Variants in ATP8A2 observed in about 807,000 individuals in gnomAD.
ATP8A2 encodes ATPase phospholipid transporting 8A2, also known as phospholipid-transporting ATPase IB.
ATP8A2 carries 100 observed loss-of-function variants against 165.6 expected under a neutral mutation model. The ratio of observed to expected loss-of-function variants is 0.60; its 90% CI spans 0.51 to 0.71. The LOEUF (loss-of-function observed/expected upper bound fraction) is 0.71, where lower values mean the gene tolerates loss of function less well. ATP8A2 is among the 30% of genes least tolerant of loss of function. The probability of loss-of-function intolerance (pLI) is 0.00; values close to 1 mark genes in which losing one functional copy is unlikely to be tolerated. For missense variants in ATP8A2, 1,227 were observed against 1,479.5 expected, an observed-to-expected ratio of 0.83 and a Z score of 2.80; for synonymous variants, 543 against 548.8, an observed-to-expected ratio of 0.99 and a Z score of 0.15.
chr13:25,843,111 C>G (rs1178440106), intron 30 of ATP8A2, among the ~76,000 whole-genome samples: 1 of 152,116 alleles, frequency 6.6e-6, no homozygotes, highest in Middle Eastern at 3.2e-3. Flanking sequence ...CCTCTCCTGC[C>G]CTCTGGAGGC....
intron 33 of ATP8A2, among the ~76,000 whole-genome samples, chr13:25,918,053 G>A (rs770731970): frequency 1.3e-5 from 2 of 152,232 alleles, no homozygotes; most frequent in African/African-American, 2.4e-5. Flanking sequence ...ATAATTATCT[G>A]TAGAGGGACA....
rs924847942 is a variant in ATP8A2 at position 25,427,590 on chromosome 13, C to T, written c.77-41387C>T. Among the ~76,000 whole-genome samples the T allele has an allele frequency of 8.5e-5, 13 of 152,076 alleles. No homozygotes were observed. The East Asian group carries it at 2.1e-3, about 25-fold the overall frequency. On this transcript the variant is annotated intron_variant, in intron 1 of 36. Transcript: ENST00000381655. ...TGCTCATTTTCCTGGGAGCCTAAAA[C>T]TTCTCTAAAAAAAACAAACAAATGG...
chr13:25,701,558 C>T (rs559480333), intron 25 of ATP8A2, among the ~76,000 whole-genome samples: 10 of 152,020 alleles, frequency 6.6e-5, no homozygotes, highest in African/African-American at 1.2e-4. Flanking sequence ...CAAGTAACAA[C>T]GTGGAAAAGT....
intron 33 of ATP8A2, among the ~76,000 whole-genome samples, chr13:25,874,235 G>C (rs1331627203): frequency 6.6e-6 from 1 of 152,132 alleles, no homozygotes; most frequent in Admixed American, 6.5e-5. Context: ...ATCCACACTG[G>C]TGGCTTCCCA....
At chr13:25,915,904 G>A (rs548188817) in intron 33 of ATP8A2, among the ~76,000 whole-genome samples, 32 of 152,258 alleles carry the variant, frequency 2.1e-4, no homozygotes, top group African/African-American at 7.0e-4. Flanking sequence ...CTACCAGTGC[G>A]TTGGTCCATT....
chr13:25,836,049 T>G (rs771197193), intron 28 of ATP8A2, among the ~76,000 whole-genome samples: 31 of 152,172 alleles, frequency 2.0e-4, no homozygotes, highest in Non-Finnish European at 3.8e-4. Context: ...AGTGATTGGT[T>G]GTTTCAAAGT....
At chr13:25,823,957 G>A (rs968092187) in intron 27 of ATP8A2, among the ~76,000 whole-genome samples, 1 of 151,840 alleles carries the variant, frequency 6.6e-6, no homozygotes, top group South Asian at 2.1e-4. Flanking sequence ...CTATCTCTAC[G>A]TGTGGTTTCA....
intron 15 of ATP8A2, among the ~76,000 whole-genome samples, chr13:25,563,451 A>G (rs1356428367): frequency 6.6e-6 from 1 of 152,042 alleles, no homozygotes; most frequent in African/African-American, 2.4e-5. Context: ...AAATGAATAT[A>G]TAGTTGATTC....
intron 35 of ATP8A2, among the ~76,000 whole-genome samples, chr13:25,976,408 C>T (rs1956038112): frequency 6.6e-6 from 1 of 152,118 alleles, no homozygotes; most frequent in African/African-American, 2.4e-5. Context: ...AGAGGCAAAC[C>T]TGCATCTTCT....
chr13:25,821,415 AT>A (rs1951177562), intron 27 of ATP8A2, among the ~76,000 whole-genome samples: 2 of 152,210 alleles, frequency 1.3e-5, no homozygotes, highest in Admixed American at 6.5e-5. Context: ...ATAATTTCTC[AT>A]TAATAATTTA....
chr13:25,435,955 GTGTGTGTGTGTGTGTGTA>G (rs2034759067), intron 1 of ATP8A2, among the ~76,000 whole-genome samples: 1 of 75,162 alleles, frequency 1.3e-5, no homozygotes, highest in African/African-American at 3.4e-5. Context: ...GTGTGTGAGT[GTGTGTGTGTGTGTGTGTA>G]TGTGTGTGTG....
chr13:25,773,287 A>T (rs937391802), intron 26 of ATP8A2, among the ~76,000 whole-genome samples: 45 of 152,174 alleles, frequency 3.0e-4, no homozygotes, highest in Non-Finnish European at 4.6e-4. Flanking sequence ...AAGGCATATC[A>T]AATGTGTAGA....
intron 30 of ATP8A2, among the ~76,000 whole-genome samples, chr13:25,858,408 C>T (rs1287798639): frequency 2.6e-5 from 4 of 152,276 alleles, no homozygotes; most frequent in African/African-American, 4.8e-5. Flanking sequence ...TGTCTCGCCC[C>T]GTTCTCCCGA....
At chr13:25,547,288 G>C (rs1363332334) in intron 10 of ATP8A2, among the ~76,000 whole-genome samples, 2 of 152,088 alleles carry the variant, frequency 1.3e-5, no homozygotes, top group Non-Finnish European at 2.9e-5. Context: ...CCCTACAGCA[G>C]GAGGAGAGTG....
chr13:25,559,150 T>C, intron 14 of ATP8A2, 89 bp downstream of exon 14: 1 of 872,750 alleles, frequency 1.1e-6, no homozygotes, highest in Non-Finnish European at 1.8e-6. Context: ...ATATCTTGAC[T>C]TTCTGATGTT....
chr13:25,439,299 C>T (rs1424642671), intron 1 of ATP8A2, among the ~76,000 whole-genome samples: 1 of 152,196 alleles, frequency 6.6e-6, no homozygotes, highest in East Asian at 1.9e-4. Flanking sequence ...CACCTGAAAT[C>T]TTCCCGGGAG....
chr13:25,885,397 G>A (rs1953114048), intron 33 of ATP8A2, among the ~76,000 whole-genome samples: 1 of 152,060 alleles, frequency 6.6e-6, no homozygotes, highest in Admixed American at 6.6e-5. Flanking sequence ...ACAGGCATGA[G>A]CCACCGCACC....
At position 25,499,454 on chromosome 13, in the gene ATP8A2, G is replaced by A. The variant is rs114891314; in HGVS notation, c.221+30333G>A. Among the ~76,000 whole-genome samples, 829 of 152,310 alleles carry A rather than the reference G, an allele frequency of 5.4e-3. 7 individuals are homozygous for A. The highest frequency in any genetic ancestry group is 0.019 in the African/African-American group (790 of 41,566). On this transcript the variant is annotated intron_variant, in intron 2 of 36. Transcript: ENST00000381655. ...CACGTGTTGTCATGTTTGGGGGGTT[G>A]AATCTTGGTTTAGCTATTGCCTAGC...
chr13:25,548,093 G>T (rs1317398688), intron 10 of ATP8A2, among the ~76,000 whole-genome samples: 1 of 152,102 alleles, frequency 6.6e-6, no homozygotes. Flanking sequence ...GGGCGTGGTG[G>T]TATGCACCTG....
Sources: gnomAD v4.1 joint callset for allele counts (sites outside exome capture counted in the v4.1 genomes callset) on GRCh38, gnomAD v4.1.1 for gene constraint, MANE v1.5 for transcripts, NCBI Gene and HGNC (gene_info 2026-07-23, HGNC 2026-07-21) for gene names.